Variants in ZNF316 observed in about 807,000 individuals in gnomAD.
ZNF316 encodes the protein zinc finger protein 316.
ZNF316 carries 23 observed loss-of-function variants against 75.6 expected under a neutral mutation model. That is an observed-to-expected ratio of 0.30 (90% confidence interval 0.22 to 0.43). The LOEUF (loss-of-function observed/expected upper bound fraction) is 0.43, where lower values mean the gene tolerates loss of function less well. ZNF316 is among the 20% of genes least tolerant of loss of function. ZNF316 has a pLI of 1.00. For synonymous variants in ZNF316, 827 were observed against 666.2 expected (o/e 1.24, Z -3.72); for missense variants, 1,266 against 1,409.4 (o/e 0.90, Z 1.63).
At chr7:6,643,687 G>T in intron 6 of ZNF316, 135 bp from the exon 7 acceptor site, 1 of 775,264 alleles carries the variant, frequency 1.3e-6, no homozygotes, top group Non-Finnish European at 1.7e-6. Context: ...CTGTGGCAAG[G>T]CCTGAAAGCC....
chr7:6,653,110 G>A lies in ZNF316; in HGVS notation c.1514G>A (p.Arg505His), dbSNP rs1779542060. Residue 505 changes from arginine (R) to histidine (H), a missense_variant, in exon 9 of 9, where the codon CGC becomes CAC. Physicochemically the swap from Arg to His is conservative, Grantham distance 29 (BLOSUM62 0). This residue lies in a region of ZNF316 where 961 missense variants were observed against 990.9 expected (regional missense o/e 0.97). Transcript: ENST00000382252. ...CGCGCCGACTTCCAGCGCCACCGAC[G>A]CGGCGGGGGCTGCGCGGAGGCGGGT... ...RLRADFQRHR[R>H]GGGCAEAGGD... The A allele has an allele frequency of 8.6e-7, 1 of 1,169,118 alleles. No individual in the cohort carries two copies. The highest frequency in any genetic ancestry group is 4.2e-5 in the South Asian group (1 of 23,834). 72.4% of individuals were successfully genotyped at this position (1,169,118 alleles called of 1,614,324 possible).
Position 6,654,633 on chromosome 7 carries a change from C to T in ZNF316, c.*22C>T. 6 of 1,178,502 alleles carry T rather than the reference C, an allele frequency of 5.1e-6. No homozygotes were observed. The highest frequency in any genetic ancestry group is 4.2e-5 in the South Asian group (1 of 23,842). 73.0% of individuals were successfully genotyped at this position (1,178,502 alleles called of 1,614,324 possible). A position where few individuals can be genotyped will look rare whatever the true frequency, so the allele number is the denominator to read the frequency against. ...GTGAGGGGCCCGGGGCCGACAGCAG[C>T]GCAGCCTGCAGGGCCACCGGCCCCT... On this transcript the variant is annotated 3_prime_UTR_variant, in exon 9 of 9. Coordinates refer to ENST00000382252, the MANE Select transcript of ZNF316 (RefSeq NM_001278559.2).
chr7:6,650,849 G>A (rs759591972), intron 8 of ZNF316, among the ~76,000 whole-genome samples: 5 of 152,164 alleles, frequency 3.3e-5, no homozygotes, highest in Non-Finnish European at 5.9e-5. Flanking sequence ...CCTGTGTCCC[G>A]TGACTTAGTG....
rs1479186853 is a variant in ZNF316, at chr7:6,655,650, A to G, written c.*1039A>G. The G allele has an allele frequency of 1.3e-5, 2 of 152,190 alleles. No homozygotes were observed. Among genetic ancestry groups the G allele is most frequent in the Non-Finnish European group, 1.5e-5 (1 of 68,048 alleles). The allele number at this position is 152,190 out of a possible 1,614,324, so 9.4% of individuals were successfully genotyped here. A position where few individuals can be genotyped will look rare whatever the true frequency, so the allele number is the denominator to read the frequency against. On this transcript the variant is annotated 3_prime_UTR_variant, in exon 9 of 9. Coordinates refer to ENST00000382252, the MANE Select transcript of ZNF316 (RefSeq NM_001278559.2). The stretch of plus-strand genomic sequence containing the variant: ...CACATCCCATAATCAGGGCCCTAGG[A>G]CACTCGCAGGTCCCTTTAACTCTGC...
chr7:6,649,483 C>G (rs113606368), intron 8 of ZNF316, among the ~76,000 whole-genome samples: 1 of 152,196 alleles, frequency 6.6e-6, no homozygotes, highest in South Asian at 2.1e-4. Context: ...TGACTTAGAT[C>G]TGGAAAACGG....
In ZNF316 at chr7:6,653,875, C is replaced by T; in HGVS notation, c.2279C>T (p.Ser760Leu). The change falls in exon 9 of 9, where the codon TCG becomes TTG. Residue 760 changes from serine to leucine, a missense_variant. By Grantham distance (145) the Ser-to-Leu change is moderately radical. This residue lies in a region of ZNF316 where 194 missense variants were observed against 319.2 expected (regional missense o/e 0.61). Transcript: ENST00000382252. Reference sequence around the variant, plus strand: ...TGCGGCGCGCGGTTCGCCCGCGGCTCGCACTTGGCGGCGCACGTGCGCGGC... The same window carrying T: ...TGCGGCGCGCGGTTCGCCCGCGGCTTGCACTTGGCGGCGCACGTGCGCGGC... The part of the protein sequence containing the change: ...PECGARFARG[S>L]HLAAHVRGHT... The T allele has an allele frequency of 1.8e-6, 2 of 1,096,112 alleles. No individual in the cohort carries two copies. The highest frequency in any genetic ancestry group is 2.2e-6 in the Non-Finnish European group (2 of 900,590). The allele number at this position is 1,096,112 out of a possible 1,614,324, so 67.9% of individuals were successfully genotyped here. A position where few individuals can be genotyped will look rare whatever the true frequency, so the allele number is the denominator to read the frequency against.
rs1779532507 is a variant in ZNF316 at position 6,652,713 on chromosome 7, T to C, written c.1117T>C (p.Phe373Leu). The change falls in exon 9 of 9, where the codon TTC becomes CTC. Residue 373 changes from phenylalanine (F) to leucine (L), a missense_variant. Around this residue, in one of 3 missense-constraint regions of ZNF316, gnomAD observed 961 missense variants for 990.9 expected, o/e 0.97. Coordinates refer to ENST00000382252, the MANE Select transcript of ZNF316 (RefSeq NM_001278559.2). The part of the protein sequence containing the change: ...HQRYHAAVKP[F>L]GCEECGKGFV... ...GCGCTACCACGCGGCCGTCAAGCCC[T>C]TCGGCTGCGAGGAGTGCGGCAAGGG... 1 of 1,240,296 alleles carries C rather than the reference T, an allele frequency of 8.1e-7. No homozygotes were observed. The highest frequency in any genetic ancestry group is 1.0e-6 in the Non-Finnish European group (1 of 991,748). The allele number at this position is 1,240,296 out of a possible 1,614,324, so 76.8% of individuals were successfully genotyped here. A position where few individuals can be genotyped will look rare whatever the true frequency, so the allele number is the denominator to read the frequency against.
intron 8 of ZNF316, among the ~76,000 whole-genome samples, chr7:6,648,699 C>T (rs1203374574): frequency 6.6e-6 from 1 of 152,182 alleles, no homozygotes; most frequent in Non-Finnish European, 1.5e-5. Flanking sequence ...GAGCCCGGGC[C>T]CCCCAGCTGC....
intron 8 of ZNF316, among the ~76,000 whole-genome samples, chr7:6,648,480 A>G (rs1184346809): frequency 6.6e-6 from 1 of 152,192 alleles, no homozygotes; most frequent in African/African-American, 2.4e-5. Flanking sequence ...TGGTGGCAGC[A>G]GCGCCACCTG....
chr7:6,654,364 G>T lies in ZNF316; in HGVS notation c.2768G>T (p.Arg923Leu). ...RPYACANCGR[R>L]FSQSSHLLTH... ...TACGCCTGCGCCAACTGCGGCCGCC[G>T]CTTCTCGCAGAGCTCGCACTTGCTC... The change falls in exon 9 of 9, where the codon CGC (arginine) becomes CTC (leucine). Residue 923 changes from arginine to leucine, a missense_variant. Coordinates refer to ENST00000382252, the MANE Select transcript of ZNF316 (RefSeq NM_001278559.2). The T allele has an allele frequency of 8.2e-7, 1 of 1,219,852 alleles. No homozygotes were observed. Among genetic ancestry groups the T allele is most frequent in the Admixed American group, 4.3e-5 (1 of 23,210 alleles). The allele number at this position is 1,219,852 out of a possible 1,614,324, so 75.6% of individuals were successfully genotyped here. A position where few individuals can be genotyped will look rare whatever the true frequency, so the allele number is the denominator to read the frequency against.
chr7:6,646,968 C>T (rs1051414446), intron 8 of ZNF316, among the ~76,000 whole-genome samples: 2 of 152,140 alleles, frequency 1.3e-5, no homozygotes, highest in African/African-American at 2.4e-5. Flanking sequence ...TTCAGCCATG[C>T]TTCAGACCCT....
Position 6,653,255 on chromosome 7 carries a change from C to T in ZNF316, c.1659C>T (p.Ala553=), listed in dbSNP as rs1779547334. Residue 553 remains alanine, a synonymous_variant, in exon 9 of 9, where the codon GCC becomes GCT. Coordinates refer to ENST00000382252, the MANE Select transcript of ZNF316 (RefSeq NM_001278559.2). ...GEADGEAEAA[A]EEREEAAVAA... ...CGGACGGAGAGGCGGAGGCCGCGGC[C>T]GAGGAGAGAGAGGAGGCGGCGGTGG... 6 of 1,227,342 alleles carry T rather than the reference C, an allele frequency of 4.9e-6. No homozygotes were observed. The South Asian group carries it at 1.2e-4, about 25-fold the overall frequency. 76.0% of individuals were successfully genotyped at this position (1,227,342 alleles called of 1,614,324 possible). A position where few individuals can be genotyped will look rare whatever the true frequency, so the allele number is the denominator to read the frequency against.
Position 6,642,792 on chromosome 7 carries a change from G to A in ZNF316, c.355+28G>A. The A allele has an allele frequency of 8.1e-7, 1 of 1,233,334 alleles. No homozygotes were observed. Among genetic ancestry groups the A allele is most frequent in the African/African-American group, 1.5e-5 (1 of 64,552 alleles). 76.4% of individuals were successfully genotyped at this position (1,233,334 alleles called of 1,614,324 possible). On this transcript the variant is annotated intron_variant, in intron 5 of 8. Transcript: ENST00000382252. This position sits in a 1 kb window ranked among gnomAD's most constrained non-coding sequence, Gnocchi z 8.1. ...AAGAAAAGCAGCCAGCCTTGGGGAG[G>A]AGATGAAGGGGGCTGAGGTGGGCCA... is the stretch of plus-strand genomic sequence containing the variant.
chr7:6,645,514 T>C, intron 8 of ZNF316, among the ~76,000 whole-genome samples: 1 of 150,892 alleles, frequency 6.6e-6, no homozygotes, highest in Non-Finnish European at 1.5e-5. Flanking sequence ...CAAAACCCCA[T>C]CACTACTAAA....
chr7:6,644,014 C>G (rs1238001338), intron 7 of ZNF316, 66 bp downstream of exon 7: 1 of 1,227,422 alleles, frequency 8.1e-7, no homozygotes, highest in East Asian at 3.2e-5. Flanking sequence ...TCTTAGCTGT[C>G]TGACGGGGCG....
At position 6,639,751 on chromosome 7, in the gene ZNF316, CCCT is replaced by C. The variant is rs1309335258; in HGVS notation, c.-167+615_-167+617del. 1.1e-4 allele frequency among the ~76,000 whole-genome samples: 17 copies of C among 152,302 alleles called. No individual in the cohort carries two copies. Among genetic ancestry groups the C allele is most frequent in the African/African-American group, 3.8e-4 (16 of 41,568 alleles). On this transcript the variant is annotated intron_variant, in intron 3 of 8. Transcript: ENST00000382252. The surrounding 1 kb of genome is among the most constrained non-coding windows in gnomAD (Gnocchi z 4.2). ...CGGCCTGAGGCTTGAAAGAGAAAAGCCCTCCTCTGGGCCTCAAGTGGGTGGCAG... is the reference window on the plus strand; with the variant it reads ...CGGCCTGAGGCTTGAAAGAGAAAAGCCCTCTGGGCCTCAAGTGGGTGGCAG...
intron 8 of ZNF316, among the ~76,000 whole-genome samples, chr7:6,650,053 C>T (rs765452730): frequency 5.8e-4 from 89 of 152,278 alleles, no homozygotes; most frequent in Admixed American, 1.4e-3. Context: ...CCTGAGGTAC[C>T]GATGCACCCC....
At chr7:6,648,818 G>C (rs570521909) in intron 8 of ZNF316, among the ~76,000 whole-genome samples, 1 of 146,682 alleles carries the variant, frequency 6.8e-6, no homozygotes, top group South Asian at 2.4e-4. Flanking sequence ...GGGTTGCTGC[G>C]GGCACAGGGG....
In ZNF316 at chr7:6,652,431, G is replaced by A. The variant is rs955917670; in HGVS notation, c.835G>A (p.Val279Met). Residue 279 changes from valine to methionine, a missense_variant, in exon 9 of 9, where the codon GTG becomes ATG. By Grantham distance (21) the Val-to-Met change is conservative. Around this residue, in one of 3 missense-constraint regions of ZNF316, gnomAD observed 961 missense variants for 990.9 expected, o/e 0.97. Coordinates refer to ENST00000382252, the MANE Select transcript of ZNF316 (RefSeq NM_001278559.2). The stretch of plus-strand genomic sequence containing the variant: ...GTCGGCGGCCTACGGCGTGGGGGAC[G>A]TGCCTGGGACGTGGGGGCCCGACGA... ...LWSAAYGVGDVPGTWGPDDSD... is the reference protein window; with the variant it reads ...LWSAAYGVGDMPGTWGPDDSD... 15 of 1,232,126 alleles carry A rather than the reference G, an allele frequency of 1.2e-5. No individual in the cohort carries two copies. Among genetic ancestry groups the A allele is most frequent in the Non-Finnish European group, 1.5e-5 (15 of 987,956 alleles). The allele number at this position is 1,232,126 out of a possible 1,614,324, so 76.3% of individuals were successfully genotyped here. A position where few individuals can be genotyped will look rare whatever the true frequency, so the allele number is the denominator to read the frequency against.
Sources: allele counts gnomAD v4.1 joint callset (sites outside exome capture counted in the v4.1 genomes callset), GRCh38; gene constraint gnomAD v4.1.1; regional missense constraint gnomAD v4.1.1; non-coding constraint Gnocchi (gnomAD v3.1); transcripts MANE v1.5; gene names NCBI Gene and HGNC (gene_info 2026-07-23, HGNC 2026-07-21).